Variants in KIAA0930 observed in about 807,000 individuals in gnomAD.
KIAA0930 encodes the protein uncharacterized protein KIAA0930.
A neutral mutation model predicts 43.9 loss-of-function variants in KIAA0930; 24 were observed. That is an observed-to-expected ratio of 0.55 (90% CI 0.40 to 0.77). KIAA0930 has a LOEUF of 0.77. KIAA0930 is among the 30% of genes least tolerant of loss of function. The pLI is 0.00. For synonymous variants in KIAA0930, 259 were observed against 216.4 expected, an observed-to-expected ratio of 1.20 and a Z score of -1.73; for missense variants, 461 against 574.2, an observed-to-expected ratio of 0.80 and a Z score of 2.02.
Position 45,193,832 on chromosome 22 carries a change from G to A in KIAA0930, c.*3344C>T, listed in dbSNP as rs1285811161. 6.6e-6 allele frequency: 1 copy of A among 152,144 alleles called. No individual in the cohort carries two copies. Among genetic ancestry groups the A allele is most frequent in the East Asian group, 1.9e-4 (1 of 5,198 alleles). The allele number at this position is 152,144 out of a possible 1,614,324, so 9.4% of individuals were successfully genotyped here. On this transcript the variant is annotated 3_prime_UTR_variant, in exon 10 of 10. Transcript: ENST00000336156. Reference sequence around the variant, plus strand: ...AAGATGGCCACTACCGGAACTTACAGGTGCCAAAAGAAGAAAGGGTATAAA... The same window carrying A: ...AAGATGGCCACTACCGGAACTTACAAGTGCCAAAAGAAGAAAGGGTATAAA...
chr22:45,210,852 C>T (rs906260967), intron 2 of KIAA0930, among the ~76,000 whole-genome samples: 4 of 152,228 alleles, frequency 2.6e-5, no homozygotes, highest in Non-Finnish European at 4.4e-5. Context: ...GCGCCAAGGC[C>T]GCCACCCCTC....
In KIAA0930 at chr22:45,197,779, G is replaced by A. The variant is rs199883243; in HGVS notation, c.1174+11C>T. 2.3e-5 allele frequency: 37 copies of A among 1,613,502 alleles called. No individual in the cohort carries two copies. The East Asian group carries it at 2.5e-4, about 11-fold the overall frequency. Reference sequence around the variant, plus strand: ...AAGGTGCGGCTGCTTCCCCACATCCGCCAGCATTACCTGTTAAAATCCGAT... The same window carrying A: ...AAGGTGCGGCTGCTTCCCCACATCCACCAGCATTACCTGTTAAAATCCGAT... On this transcript the variant is annotated intron_variant, in intron 9 of 9. Coordinates refer to ENST00000336156, the MANE Select transcript of KIAA0930 (RefSeq NM_001009880.2).
chr22:45,228,826 T>C (rs9626658), intron 1 of KIAA0930, among the ~76,000 whole-genome samples: 3,150 of 16,486 alleles, frequency 0.19, 81 homozygotes, highest in Non-Finnish European at 0.22. Context: ...ACCCCCGCCA[T>C]CACCACTCAC....
At chr22:45,221,984 T>G (rs575244918) in intron 1 of KIAA0930, among the ~76,000 whole-genome samples, 44 of 152,352 alleles carry the variant, frequency 2.9e-4, no homozygotes, top group Admixed American at 1.8e-3. Context: ...TCTGCCCGCC[T>G]TGGCCTCCCA....
chr22:45,238,889 T>G (rs1235971822), intron 1 of KIAA0930, among the ~76,000 whole-genome samples: 16 of 150,544 alleles, frequency 1.1e-4, no homozygotes, highest in African/African-American at 4.0e-4. Context: ...TCTCTCTCTC[T>G]CTCTCTCTCT....
intron 1 of KIAA0930, among the ~76,000 whole-genome samples, chr22:45,230,860 G>A (rs373426267): frequency 2.8e-3 from 426 of 151,996 alleles, no homozygotes; most frequent in African/African-American, 9.8e-3. Flanking sequence ...GATTACAGGC[G>A]TGAGCCACGT....
intron 1 of KIAA0930, chr22:45,226,156 A>G (rs1331683678): frequency 2.3e-6 from 1 of 436,132 alleles, no homozygotes; most frequent in South Asian, 1.7e-5. Context: ...ACTCACCCTC[A>G]GCTGCTGGCA....
At position 45,197,094 on chromosome 22, in the gene KIAA0930, C is replaced by T; in HGVS notation, c.*82G>A. The T allele has an allele frequency of 8.2e-7, 1 of 1,215,814 alleles. No homozygotes were observed. 75.3% of individuals were successfully genotyped at this position (1,215,814 alleles called of 1,614,324 possible). A position where few individuals can be genotyped will look rare whatever the true frequency, so the allele number is the denominator to read the frequency against. On this transcript the variant is annotated 3_prime_UTR_variant, in exon 10 of 10. Transcript: ENST00000336156. The stretch of plus-strand genomic sequence containing the variant: ...CAGCACTGGCGTGCCATCGCAGACC[C>T]CGGTGGCGGTGGACAGGTAGGCACT...
chr22:45,234,116 C>T (rs1404513150), intron 1 of KIAA0930, among the ~76,000 whole-genome samples: 1 of 152,206 alleles, frequency 6.6e-6, no homozygotes, highest in Non-Finnish European at 1.5e-5. Context: ...AGGCCGGGCA[C>T]ATGTACTGAC....
At chr22:45,219,061 G>A (rs931433588) in intron 1 of KIAA0930, among the ~76,000 whole-genome samples, 1 of 152,108 alleles carries the variant, frequency 6.6e-6, no homozygotes, top group Non-Finnish European at 1.5e-5. Flanking sequence ...TTTATCTTTC[G>A]AGGCATTTCA....
Position 45,199,965 on chromosome 22 carries a change from T to C in KIAA0930, c.923A>G (p.Lys308Arg). 6.2e-7 allele frequency: 1 copy of C among 1,609,700 alleles called. No homozygotes were observed. The highest frequency in any genetic ancestry group is 8.5e-7 in the Non-Finnish European group (1 of 1,177,660). ...GATCCGGTTCCGGGGCACCTTCCTC[T>C]TGAGGGATGGGGAGAAGAAGGCAGG... Reference protein sequence around the residue: ...NRPAFFSPSLKRKVPRNRIAE... With the variant: ...NRPAFFSPSLRRKVPRNRIAE... The change falls in exon 8 of 10, where the codon AAG (lysine) becomes AGG (arginine). Residue 308 changes from lysine (K) to arginine (R), a missense_variant. Transcript: ENST00000336156.
intron 1 of KIAA0930, chr22:45,213,368 G>T (rs974862711): frequency 7.7e-7 from 1 of 1,303,514 alleles, no homozygotes; most frequent in Non-Finnish European, 1.0e-6. Flanking sequence ...CAGTGAGAGG[G>T]AGGAAAAGAG....
intron 1 of KIAA0930, chr22:45,213,593 T>C (rs780833082): frequency 1.8e-4 from 122 of 681,502 alleles, no homozygotes; most frequent in Non-Finnish European, 1.9e-4. Flanking sequence ...CTTGCAAAAT[T>C]AAGCAAAGCG....
chr22:45,233,156 C>T (rs1233362224), intron 1 of KIAA0930, among the ~76,000 whole-genome samples: 2 of 152,128 alleles, frequency 1.3e-5, no homozygotes, highest in African/African-American at 4.8e-5. Flanking sequence ...TGGCCACCAA[C>T]TCAGGCTGAC....
chr22:45,226,567 A>G (rs2083802255), intron 1 of KIAA0930, among the ~76,000 whole-genome samples: 1 of 151,926 alleles, frequency 6.6e-6, no homozygotes, highest in Non-Finnish European at 1.5e-5. Flanking sequence ...CTGTTTCCAG[A>G]CAGTTTCAAT....
intron 1 of KIAA0930, chr22:45,213,394 G>A (rs2083711628): frequency 7.7e-7 from 1 of 1,302,680 alleles, no homozygotes; most frequent in African/African-American, 1.5e-5. Flanking sequence ...GGCTTCATCG[G>A]TGAGGGTCTG....
chr22:45,226,374 G>A (rs1292797492), intron 1 of KIAA0930: 5 of 470,270 alleles, frequency 1.1e-5, no homozygotes, highest in African/African-American at 2.0e-5. Context: ...CCCAGGCGCT[G>A]CATGAGGTCC....
intron 1 of KIAA0930, among the ~76,000 whole-genome samples, chr22:45,228,763 A>C (rs2083821580): frequency 5.9e-5 from 1 of 16,882 alleles, no homozygotes; most frequent in African/African-American, 8.2e-4. Flanking sequence ...CACCCGAAAG[A>C]TCCCTCCCCA....
chr22:45,205,585 T>A (rs752222617), intron 4 of KIAA0930, 45 bp downstream of exon 4: 8 of 1,580,634 alleles, frequency 5.1e-6, no homozygotes, highest in Non-Finnish European at 7.0e-6. Context: ...ACGCCCAGCC[T>A]GAACTGGCAG....
Sources: gnomAD v4.1 joint callset for allele counts (sites outside exome capture counted in the v4.1 genomes callset) on GRCh38, gnomAD v4.1.1 for gene constraint, MANE v1.5 for transcripts, NCBI Gene and HGNC (gene_info 2026-07-23, HGNC 2026-07-21) for gene names.